PCSK5: variants seen among roughly 807,000 people sequenced by gnomAD.
PCSK5 encodes the protein proprotein convertase subtilisin/kexin type 5, also known as prohormone convertase 5.
In PCSK5, 129 loss-of-function variants were observed where a neutral mutation model predicts 233.2. The observed-to-expected ratio is 0.55, with a 90% CI of 0.48 to 0.64. The LOEUF (loss-of-function observed/expected upper bound fraction) is 0.64. Among genes scored for constraint, PCSK5 ranks in the 30% least tolerant of loss-of-function variants. PCSK5 has a pLI of 0.00. For missense variants in PCSK5, 2,076 were observed against 2,430.1 expected (o/e 0.85, Z 3.06); for synonymous variants, 825 against 879.2 (o/e 0.94, Z 1.09).
intron 24 of PCSK5, among the ~76,000 whole-genome samples, chr9:76,246,702 G>C (rs1203178411): frequency 6.6e-6 from 1 of 152,180 alleles, no homozygotes; most frequent in Non-Finnish European, 1.5e-5. Flanking sequence ...AAGACTGGTT[G>C]AATGAATGGG....
intron 30 of PCSK5, among the ~76,000 whole-genome samples, chr9:76,314,002 A>C (rs1256651139): frequency 1.3e-5 from 2 of 152,260 alleles, no homozygotes; most frequent in Non-Finnish European, 1.5e-5. Context: ...TTGCTTCCTC[A>C]GTGGTAGGAT....
At chr9:76,023,329 T>C (rs187834875) in intron 3 of PCSK5, among the ~76,000 whole-genome samples, 1 of 152,254 alleles carries the variant, frequency 6.6e-6, no homozygotes, top group East Asian at 1.9e-4. Flanking sequence ...GTTTTTACAC[T>C]AGTAGACAAT....
In PCSK5 at chr9:76,125,536, C is replaced by T. The variant is rs572836568; in HGVS notation, c.1209-8573C>T. On this transcript the variant is annotated intron_variant, in intron 9 of 37. Coordinates refer to ENST00000674117, the MANE Select transcript of PCSK5 (RefSeq NM_001372043.1). The stretch of plus-strand genomic sequence containing the variant: ...AAATGAAAGTAATAACAGTATTTGT[C>T]TCACAGGACTGTCATGAAGAATAGA... Among the ~76,000 whole-genome samples the T allele has an allele frequency of 3.3e-5, 5 of 152,322 alleles. No homozygotes were observed. In the East Asian group the frequency reaches 7.7e-4, roughly 23 times the overall value.
At chr9:76,200,586 T>C (rs1401764795) in intron 20 of PCSK5, among the ~76,000 whole-genome samples, 1 of 152,154 alleles carries the variant, frequency 6.6e-6, no homozygotes. Flanking sequence ...GTGGAATGAA[T>C]GAATAAGAAA....
In PCSK5 at chr9:76,332,588, T is replaced by G; in HGVS notation, c.4726T>G (p.Cys1576Gly). The change falls in exon 34 of 38, where the codon TGC becomes GGC. Residue 1576 changes from cysteine to glycine, a missense_variant. This residue lies in a region of PCSK5 where 1,510 missense variants were observed against 1,538.1 expected (regional missense o/e 0.98). Coordinates refer to ENST00000674117, the MANE Select transcript of PCSK5 (RefSeq NM_001372043.1). ...RPGWFQLGKE[C>G]LLQCREGYYA... ...GGGCTGGTTCCAGCTAGGAAAAGAG[T>G]GCCTGCTCCAGTGCAGGGAAGGGTA... 6.3e-7 allele frequency: 1 copy of G among 1,599,438 alleles called. No individual in the cohort carries two copies. The highest frequency in any genetic ancestry group is 8.5e-7 in the Non-Finnish European group (1 of 1,172,800).
intron 24 of PCSK5, among the ~76,000 whole-genome samples, chr9:76,267,560 C>T (rs1026142696): frequency 2.6e-5 from 4 of 152,106 alleles, no homozygotes; most frequent in African/African-American, 9.7e-5. Context: ...TTTGGCTGTT[C>T]ACAGGAATCT....
chr9:75,937,244 T>C (rs1824097404), intron 2 of PCSK5, among the ~76,000 whole-genome samples: 3 of 151,758 alleles, frequency 2.0e-5, no homozygotes, highest in Admixed American at 6.6e-5. Flanking sequence ...AATGGCACGA[T>C]TTCAGCTCAC....
At chr9:76,200,469 T>C (rs1429541528) in intron 20 of PCSK5, among the ~76,000 whole-genome samples, 1 of 152,190 alleles carries the variant, frequency 6.6e-6, no homozygotes, top group African/African-American at 2.4e-5. Flanking sequence ...TGACATTTTA[T>C]GGTTCGTTAC....
intron 3 of PCSK5, among the ~76,000 whole-genome samples, chr9:76,004,585 GC>G (rs1827399908): frequency 6.6e-6 from 1 of 152,112 alleles, no homozygotes; most frequent in African/African-American, 2.4e-5. Flanking sequence ...ATCAGTGCTT[GC>G]GAGGTGTTGG....
In PCSK5 at chr9:76,350,225, C is replaced by T. The variant is rs58795205; in HGVS notation, c.4967-603C>T. On this transcript the variant is annotated intron_variant, in intron 35 of 37. Coordinates refer to ENST00000674117, the MANE Select transcript of PCSK5 (RefSeq NM_001372043.1). Reference sequence around the variant, plus strand: ...GATAGGTGACATTACATGTCTGGGCCTTAGTTTTCATTTATCAATATTTTT... The same window carrying T: ...GATAGGTGACATTACATGTCTGGGCTTTAGTTTTCATTTATCAATATTTTT... 5.9e-3 allele frequency among the ~76,000 whole-genome samples: 904 copies of T among 152,088 alleles called. 10 individuals are homozygous for T. The highest frequency in any genetic ancestry group is 0.019 in the African/African-American group (790 of 41,486).
At chr9:76,348,018 C>A (rs1277138564) in intron 35 of PCSK5, among the ~76,000 whole-genome samples, 1 of 152,108 alleles carries the variant, frequency 6.6e-6, no homozygotes, top group Non-Finnish European at 1.5e-5. Flanking sequence ...CACCTGTAAT[C>A]CCAGCACTTT....
intron 7 of PCSK5, among the ~76,000 whole-genome samples, chr9:76,072,509 A>T (rs548442804): frequency 6.6e-6 from 1 of 152,352 alleles, no homozygotes; most frequent in African/African-American, 2.4e-5. Flanking sequence ...ATTTAAATTA[A>T]ATTTTAAAAG....
At chr9:76,225,816 T>C (rs755850259) in intron 20 of PCSK5, among the ~76,000 whole-genome samples, 5 of 152,162 alleles carry the variant, frequency 3.3e-5, no homozygotes, top group Non-Finnish European at 5.9e-5. Flanking sequence ...TATGAGTTAA[T>C]AAAAGGTGTC....
rs922237634 is a variant in PCSK5 at position 76,222,036 on chromosome 9, T to C, written c.2627-5467T>C. On this transcript the variant is annotated intron_variant, in intron 20 of 37. Transcript: ENST00000674117. Reference sequence around the variant, plus strand: ...TCCAGGGTAGGGATGTAGAACCCTCTTTCTAGCTGCCTAATGTTCATTCTG... The same window carrying C: ...TCCAGGGTAGGGATGTAGAACCCTCCTTCTAGCTGCCTAATGTTCATTCTG... Among the ~76,000 whole-genome samples the C allele has an allele frequency of 4.6e-5, 7 of 152,342 alleles. No individual in the cohort carries two copies. The East Asian group carries it at 1.4e-3, about 29-fold the overall frequency.
At chr9:76,024,628 G>A (rs1436349081) in intron 4 of PCSK5, among the ~76,000 whole-genome samples, 2 of 152,154 alleles carry the variant, frequency 1.3e-5, no homozygotes, top group African/African-American at 4.8e-5. Context: ...GTTCCCCACT[G>A]CATACAAATG....
chr9:76,141,504 C>T (rs1187516100), intron 10 of PCSK5, among the ~76,000 whole-genome samples: 4 of 152,112 alleles, frequency 2.6e-5, no homozygotes, highest in South Asian at 4.2e-4. Context: ...AATAAAAAAG[C>T]ACATTATTTT....
intron 2 of PCSK5, among the ~76,000 whole-genome samples, chr9:75,985,635 A>G (rs532566435): frequency 5.7e-4 from 87 of 152,316 alleles, no homozygotes; most frequent in Middle Eastern, 3.4e-3. Flanking sequence ...TTTTGTATAT[A>G]AAGTTTTATT....
intron 36 of PCSK5, among the ~76,000 whole-genome samples, chr9:76,353,287 G>A (rs1035972503): frequency 5.9e-5 from 9 of 152,138 alleles, no homozygotes; most frequent in Non-Finnish European, 8.8e-5. Context: ...GCAACTTGTC[G>A]GGAGGGAAGC....
chr9:76,020,842 G>A (rs764644429), intron 3 of PCSK5, among the ~76,000 whole-genome samples: 2 of 151,980 alleles, frequency 1.3e-5, no homozygotes, highest in Non-Finnish European at 2.9e-5. Context: ...TCCTTCCTCC[G>A]GCCCACCTCT....
Sources: gnomAD v4.1 joint callset for allele counts (sites outside exome capture counted in the v4.1 genomes callset) on GRCh38, gnomAD v4.1.1 for gene constraint, gnomAD v4.1.1 regional missense constraint, MANE v1.5 for transcripts, NCBI Gene and HGNC (gene_info 2026-07-23, HGNC 2026-07-21) for gene names.